SCAF8: variants seen among roughly 807,000 people sequenced by gnomAD.
SCAF8 encodes SR-related CTD associated factor 8, also known as SR-related and CTD-associated factor 8.
Under a neutral mutation model 140.5 loss-of-function variants are expected in SCAF8, and 23 were observed. The observed-to-expected ratio is 0.16, with a 90% confidence interval of 0.12 to 0.23. The LOEUF is 0.23. SCAF8 is among the 10% of genes least tolerant of loss of function. The pLI, the probability that SCAF8 is intolerant of heterozygous loss-of-function variation, is 1.00. For missense variants in SCAF8, 1,397 were observed against 1,555.7 expected (o/e 0.90, Z 1.72); for synonymous variants, 575 against 528.9 (o/e 1.09, Z -1.20).
chr6:154,808,926 GT>G, intron 11 of SCAF8, 128 bp downstream of exon 11: 1 of 638,066 alleles, frequency 1.6e-6, no homozygotes, highest in African/African-American at 1.8e-5. Context: ...CGGAAAAAAA[GT>G]TATTCCAAAA....
chr6:154,781,499 A>C (rs1425067712), intron 3 of SCAF8, among the ~76,000 whole-genome samples: 1 of 152,244 alleles, frequency 6.6e-6, no homozygotes, highest in Non-Finnish European at 1.5e-5. Context: ...TTTAAATTTC[A>C]CATGGAATAG....
chr6:154,795,397 G>A (rs1445589569), intron 6 of SCAF8, among the ~76,000 whole-genome samples: 2 of 152,036 alleles, frequency 1.3e-5, no homozygotes, highest in African/African-American at 2.4e-5. Flanking sequence ...ATATTATTAG[G>A]TGCTATCACA....
At chr6:154,778,491 A>G (rs940366708) in intron 3 of SCAF8, among the ~76,000 whole-genome samples, 1 of 152,166 alleles carries the variant, frequency 6.6e-6, no homozygotes, top group Non-Finnish European at 1.5e-5. Flanking sequence ...TAGGCTGTGC[A>G]CAATGGCCCA....
intron 16 of SCAF8, among the ~76,000 whole-genome samples, chr6:154,823,611 A>C (rs957789796): frequency 1.3e-5 from 2 of 152,314 alleles, no homozygotes; most frequent in African/African-American, 4.8e-5. Context: ...AGATAGAGTT[A>C]CCATTATCTG....
rs776057678 is a variant in SCAF8, at chr6:154,802,129, G to C, written c.765G>C (p.Gln255His). 2.1e-5 allele frequency: 34 copies of C among 1,593,512 alleles called. No individual in the cohort carries two copies. The highest frequency in any genetic ancestry group is 2.9e-5 in the Non-Finnish European group (34 of 1,172,602). ...AAANTLTPLE[Q>H]GVSFNKKLMD... ...CCAACACTCTTACTCCCTTAGAACA[G>C]GGAGTCTCCTTTAACAAGGTAGAAA... The change falls in exon 7 of 20, where the codon CAG (glutamine) becomes CAC (histidine). Residue 255 changes from glutamine to histidine, a missense_variant. Around this residue, in one of 5 missense-constraint regions of SCAF8, gnomAD observed 339 missense variants for 407.5 expected, o/e 0.83. Transcript: ENST00000367178.
intron 12 of SCAF8, among the ~76,000 whole-genome samples, chr6:154,810,997 T>C (rs909612565): frequency 1.3e-5 from 2 of 152,212 alleles, no homozygotes; most frequent in Admixed American, 6.5e-5. Flanking sequence ...TAATTTGTGC[T>C]ACTAGAGCGT....
Position 154,733,486 on chromosome 6 carries a change from G to C in SCAF8, c.-415G>C. 7.5e-7 allele frequency: 1 copy of C among 1,330,482 alleles called. No homozygotes were observed. Among genetic ancestry groups the C allele is most frequent in the Non-Finnish European group, 9.6e-7 (1 of 1,043,500 alleles). The allele number at this position is 1,330,482 out of a possible 1,614,324, so 82.4% of individuals were successfully genotyped here. ...TTCGCCGAGCGGGGCTGGTTCCTGC[G>C]GCCCGAGCGGCGGGGAGGTGAAACA... On this transcript the variant is annotated 5_prime_UTR_variant, in exon 1 of 20. Transcript: ENST00000367178.
intron 1 of SCAF8, among the ~76,000 whole-genome samples, chr6:154,746,337 C>T (rs1192297255): frequency 6.6e-6 from 1 of 152,182 alleles, no homozygotes; most frequent in Non-Finnish European, 1.5e-5. Flanking sequence ...ATAACTCCCA[C>T]CAGCCTGGGA....
chr6:154,765,376 T>C (rs1348343361), intron 1 of SCAF8, among the ~76,000 whole-genome samples: 2 of 152,244 alleles, frequency 1.3e-5, no homozygotes, highest in Non-Finnish European at 2.9e-5. Context: ...TCTGAAGTCA[T>C]GTGCTGGGTT....
intron 3 of SCAF8, 35 bp downstream of exon 3, chr6:154,778,080 T>A: frequency 8.4e-7 from 1 of 1,184,416 alleles, no homozygotes. Flanking sequence ...GTGCTGTAAT[T>A]GTAGATTAAT....
At chr6:154,820,889 T>C (rs539647019) in intron 15 of SCAF8, among the ~76,000 whole-genome samples, 4 of 152,346 alleles carry the variant, frequency 2.6e-5, no homozygotes, top group Admixed American at 6.5e-5. Context: ...TTTGCAGTTA[T>C]AACCAATAGG....
At chr6:154,778,237 C>T (rs3800006) in intron 3 of SCAF8, among the ~76,000 whole-genome samples, 192 bp downstream of exon 3, 84,737 of 152,040 alleles carry the variant, frequency 0.56, 25,433 homozygotes, top group East Asian at 0.91. Context: ...TGTATTCTGC[C>T]TATGTTCATG....
At chr6:154,749,843 TTG>T (rs1778796083) in intron 1 of SCAF8, among the ~76,000 whole-genome samples, 1 of 152,094 alleles carries the variant, frequency 6.6e-6, no homozygotes, top group African/African-American at 2.4e-5. Flanking sequence ...ACTAGCATCT[TTG>T]TGGAGCAGGG....
rs1179660492 is a variant in SCAF8 at position 154,784,147 on chromosome 6, ATATATATATATT to A, written c.160-3710_160-3699del. ...TATATATATATATATATATATATAT[ATATATATATATT>A]TATTTATTTATTTTTCATGTAGGGT... On this transcript the variant is annotated intron_variant, in intron 3 of 19. Transcript: ENST00000367178. Among the ~76,000 whole-genome samples, 526 of 97,962 alleles carry A rather than the reference ATATATATATATT, an allele frequency of 5.4e-3. 4 individuals are homozygous for A. Among genetic ancestry groups the A allele is most frequent in the African/African-American group, 0.022 (499 of 22,974 alleles). The allele number at this position is 97,962 out of a possible 152,430, so 64.3% of individuals were successfully genotyped here.
intron 1 of SCAF8, among the ~76,000 whole-genome samples, chr6:154,752,059 G>A (rs1048851271): frequency 6.6e-6 from 1 of 152,172 alleles, no homozygotes; most frequent in Non-Finnish European, 1.5e-5. Flanking sequence ...TGTATCTGTA[G>A]TATGTTTCTA....
rs1778791020 is a variant in SCAF8 at position 154,832,816 on chromosome 6, T to G, written c.3237T>G (p.Leu1079=). The stretch of plus-strand genomic sequence containing the variant: ...TTGTGAGGCCAGGTATAGATCATCT[T>G]GGTCGAAGAGACCACTTTGGCTTTA... The part of the protein sequence containing the change: ...ENLVRPGIDH[L]GRRDHFGFNP... Residue 1079 remains leucine, a synonymous_variant, in exon 20 of 20, where the codon CTT becomes CTG. Coordinates refer to ENST00000367178, the MANE Select transcript of SCAF8 (RefSeq NM_014892.5). 1 of 1,613,886 alleles carries G rather than the reference T, an allele frequency of 6.2e-7. No individual in the cohort carries two copies. Among genetic ancestry groups the G allele is most frequent in the Non-Finnish European group, 8.5e-7 (1 of 1,180,002 alleles).
In SCAF8 at chr6:154,812,933, C is replaced by T. The variant is rs552207082; in HGVS notation, c.1420+2725C>T. On this transcript the variant is annotated intron_variant, in intron 12 of 19. Transcript: ENST00000367178. ...AAAGAGAATGCCAGGTGCAGCGGCT[C>T]ACACCTGTAATCCAAGCTACTTTGG... 5.9e-5 allele frequency among the ~76,000 whole-genome samples: 9 copies of T among 151,954 alleles called. No individual in the cohort carries two copies. The South Asian group carries it at 1.9e-3, about 32-fold the overall frequency.
intron 1 of SCAF8, among the ~76,000 whole-genome samples, chr6:154,763,311 C>T (rs9322478): frequency 0.99 from 151,242 of 152,356 alleles, 75,071 homozygotes; most frequent in Middle Eastern, 1. Flanking sequence ...CAGAAACTTT[C>T]ATGAAGTTTC....
chr6:154,809,529 A>G (rs1011237353), intron 11 of SCAF8, among the ~76,000 whole-genome samples: 2 of 152,218 alleles, frequency 1.3e-5, no homozygotes, highest in South Asian at 2.1e-4. Context: ...GCATCTTACT[A>G]AGCATTTTGA....
Sources: allele counts gnomAD v4.1 joint callset (sites outside exome capture counted in the v4.1 genomes callset), GRCh38; gene constraint gnomAD v4.1.1; regional missense constraint gnomAD v4.1.1; transcripts MANE v1.5; gene names NCBI Gene and HGNC (gene_info 2026-07-23, HGNC 2026-07-21).